The following NDST3 variants were observed in gnomAD, a reference collection of about 807,000 sequenced individuals.
The protein encoded by NDST3 is N-deacetylase and N-sulfotransferase 3, also known as bifunctional heparan sulfate N-deacetylase/N-sulfotransferase 3.
A neutral mutation model predicts 96.1 loss-of-function variants in NDST3; 58 were observed. That is an observed-to-expected ratio of 0.60 (90% CI 0.49 to 0.75). The LOEUF (loss-of-function observed/expected upper bound fraction) is 0.75, where lower values mean the gene tolerates loss of function less well. Ranked by LOEUF, NDST3 falls within the 30% of genes least tolerant of loss-of-function variation. The pLI, the probability that NDST3 is intolerant of heterozygous loss-of-function variation, is 0.00. For synonymous variants in NDST3, 333 were observed against 359.7 expected, an observed-to-expected ratio of 0.93 and a Z score of 0.84; for missense variants, 788 against 1,034.2, an observed-to-expected ratio of 0.76 and a Z score of 3.27.
intron 1 of NDST3, among the ~76,000 whole-genome samples, chr4:118,034,869 T>C (rs897282583): frequency 1.3e-5 from 2 of 152,240 alleles, no homozygotes; most frequent in African/African-American, 4.8e-5. Flanking sequence ...CACCAACTTA[T>C]AATGATTCTG....
intron 6 of NDST3, among the ~76,000 whole-genome samples, chr4:118,166,149 A>C (rs907481168): frequency 6.6e-6 from 1 of 151,826 alleles, no homozygotes; most frequent in Non-Finnish European, 1.5e-5. Flanking sequence ...GATTAACATC[A>C]TTGGCAAACC....
intron 6 of NDST3, among the ~76,000 whole-genome samples, chr4:118,177,553 A>G (rs72913077): frequency 0.012 from 1,758 of 152,114 alleles, 28 homozygotes; most frequent in African/African-American, 0.04. Context: ...ATTACAGGAA[A>G]ACATCATGAC....
rs540989668 is a variant in NDST3, at chr4:118,221,111, T to A, written c.1540-3380T>A. Among the ~76,000 whole-genome samples, 10 of 151,930 alleles carry A rather than the reference T, an allele frequency of 6.6e-5. No individual in the cohort carries two copies. In the South Asian group the frequency reaches 1.7e-3, roughly 25 times the overall value. ...AGTATAAAGACTGGTGATCAGAATG[T>A]TTTAAAACTTCCCAGTTGATTTGTA... On this transcript the variant is annotated intron_variant, in intron 6 of 13. Coordinates refer to ENST00000296499, the MANE Select transcript of NDST3 (RefSeq NM_004784.3).
intron 2 of NDST3, among the ~76,000 whole-genome samples, chr4:118,101,388 T>C (rs1320216808): frequency 1.3e-5 from 2 of 150,458 alleles, no homozygotes; most frequent in Non-Finnish European, 3.0e-5. Context: ...AAAAACTAAG[T>C]TAGTGGGGTA....
At chr4:118,184,597 C>G (rs1736808602) in intron 6 of NDST3, among the ~76,000 whole-genome samples, 1 of 106,748 alleles carries the variant, frequency 9.4e-6, no homozygotes. Flanking sequence ...CTCTCTCTCT[C>G]TCTCTACACA....
intron 12 of NDST3, 91 bp downstream of exon 12, chr4:118,242,240 TTGTTCCTTATATAC>T: frequency 1.3e-6 from 1 of 795,398 alleles, no homozygotes; most frequent in Non-Finnish European, 2.1e-6. Context: ...GTCAGGTTAC[TTGTTCCTTATATAC>T]TGGTTATTTT....
intron 2 of NDST3, among the ~76,000 whole-genome samples, chr4:118,063,115 G>A (rs531608970): frequency 2.0e-5 from 3 of 148,514 alleles, no homozygotes; most frequent in South Asian, 2.2e-4. Flanking sequence ...GCTTGAACCC[G>A]GGAGGTGGAG....
intron 1 of NDST3, among the ~76,000 whole-genome samples, chr4:118,037,200 T>C (rs1475050519): frequency 6.6e-6 from 1 of 152,134 alleles, no homozygotes; most frequent in African/African-American, 2.4e-5. Context: ...CGAAGATAGA[T>C]GAGAAAACAT....
chr4:118,166,682 T>C (rs1735571705), intron 6 of NDST3, among the ~76,000 whole-genome samples: 1 of 151,878 alleles, frequency 6.6e-6, no homozygotes, highest in African/African-American at 2.4e-5. Flanking sequence ...CAACAGCACA[T>C]TAAAAGGTTA....
chr4:118,139,430 T>C (rs184646500), intron 5 of NDST3, among the ~76,000 whole-genome samples: 13 of 152,342 alleles, frequency 8.5e-5, no homozygotes, highest in African/African-American at 3.1e-4. Flanking sequence ...TGGAAACCTA[T>C]ATTTGGCTTG....
intron 10 of NDST3, among the ~76,000 whole-genome samples, chr4:118,239,094 T>C (rs1432350817): frequency 6.6e-6 from 1 of 152,234 alleles, no homozygotes; most frequent in Non-Finnish European, 1.5e-5. Context: ...GCTGGATATA[T>C]GACTGCTTCC....
At chr4:118,133,888 G>A (rs751444458) in intron 4 of NDST3, among the ~76,000 whole-genome samples, 11 of 152,092 alleles carry the variant, frequency 7.2e-5, no homozygotes, top group East Asian at 1.9e-4. Flanking sequence ...TGAGTATATC[G>A]CAGTGGATAA....
At chr4:118,214,934 A>G (rs1200676734) in intron 6 of NDST3, among the ~76,000 whole-genome samples, 1 of 152,150 alleles carries the variant, frequency 6.6e-6, no homozygotes, top group Non-Finnish European at 1.5e-5. Flanking sequence ...AGCATCTACC[A>G]TGTGCTAGTT....
rs541332759 is a variant in NDST3, at chr4:118,159,292, C to T, written c.1539+15608C>T. Among the ~76,000 whole-genome samples the T allele has an allele frequency of 2.0e-5, 3 of 152,304 alleles. No homozygotes were observed. The East Asian group carries it at 5.8e-4, about 29-fold the overall frequency. On this transcript the variant is annotated intron_variant, in intron 6 of 13. Transcript: ENST00000296499. The stretch of plus-strand genomic sequence containing the variant: ...GGCAGCTTATAGCAGCTCCAGAGAA[C>T]ACCAGAAGGAGTAATAGATTACAAG...
intron 2 of NDST3, among the ~76,000 whole-genome samples, chr4:118,069,624 G>C (rs914982854): frequency 6.6e-6 from 1 of 151,906 alleles, no homozygotes; most frequent in Non-Finnish European, 1.5e-5. Context: ...CTCTCTACAC[G>C]CTGGATTTAG....
chr4:118,205,902 G>C (rs927607448), intron 6 of NDST3, among the ~76,000 whole-genome samples: 5 of 137,078 alleles, frequency 3.6e-5, no homozygotes. Context: ...CCGCGATCTC[G>C]GCTCACTGCA....
intron 1 of NDST3, among the ~76,000 whole-genome samples, chr4:118,046,255 G>A (rs558372010): frequency 2.8e-4 from 42 of 152,268 alleles, no homozygotes; most frequent in Non-Finnish European, 4.0e-4. Context: ...AGAGGGCCCC[G>A]CATCCCCCAT....
intron 6 of NDST3, among the ~76,000 whole-genome samples, chr4:118,189,938 C>T (rs1737196623): frequency 6.6e-6 from 1 of 152,054 alleles, no homozygotes; most frequent in South Asian, 2.1e-4. Context: ...TTATGTTTTA[C>T]ATTTTTCCCC....
intron 6 of NDST3, among the ~76,000 whole-genome samples, chr4:118,192,502 G>C (rs921852375): frequency 6.6e-6 from 1 of 152,030 alleles, no homozygotes; most frequent in Non-Finnish European, 1.5e-5. Context: ...TCTGCATATG[G>C]ATATCCAGTT....
Sources: allele counts gnomAD v4.1 joint callset (sites outside exome capture counted in the v4.1 genomes callset), GRCh38; gene constraint gnomAD v4.1.1; transcripts MANE v1.5; gene names NCBI Gene and HGNC (gene_info 2026-07-23, HGNC 2026-07-21).